Variants in MSH3 observed in about 807,000 individuals in gnomAD.
MSH3 encodes the protein DNA mismatch repair protein Msh3.
A neutral mutation model predicts 123.3 loss-of-function variants in MSH3; 106 were observed. That is an observed-to-expected ratio of 0.86 (90% CI 0.73 to 1.01). MSH3 has a LOEUF of 1.01. MSH3 is among the 50% of genes least tolerant of loss of function. The pLI is 0.00. For missense variants in MSH3, 1,459 were observed against 1,347.6 expected (o/e 1.08, Z -1.29); for synonymous variants, 515 against 481.4 (o/e 1.07, Z -0.91).
Position 80,758,373 on chromosome 5 carries a change from C to T in MSH3, c.1764-3173C>T, listed in dbSNP as rs573339634. 5.3e-5 allele frequency among the ~76,000 whole-genome samples: 8 copies of T among 152,306 alleles called. No homozygotes were observed. In the South Asian group the frequency reaches 1.7e-3, roughly 32 times the overall value. On this transcript the variant is annotated intron_variant, in intron 12 of 23. Transcript: ENST00000265081. The stretch of plus-strand genomic sequence containing the variant: ...AGTGGTTGTCATGATGTAGCAGGTA[C>T]TGTGTTAAGTACCTGACATTTATTA...
chr5:80,810,202 T>G, intron 19 of MSH3, among the ~76,000 whole-genome samples: 1 of 143,310 alleles, frequency 7.0e-6, no homozygotes, highest in South Asian at 2.2e-4. Context: ...TATAAACTAG[T>G]AGCATATAAT....
intron 19 of MSH3, among the ~76,000 whole-genome samples, chr5:80,794,028 G>T (rs2112028371): frequency 6.6e-6 from 1 of 152,256 alleles, no homozygotes; most frequent in Non-Finnish European, 1.5e-5. Flanking sequence ...AGCTGGGGGA[G>T]GAGAGAGAGT....
intron 20 of MSH3, among the ~76,000 whole-genome samples, chr5:80,819,774 A>C (rs2112064085): frequency 6.6e-6 from 1 of 152,300 alleles, no homozygotes; most frequent in South Asian, 2.1e-4. Flanking sequence ...GGTGTGAGCC[A>C]CTGCGCCCGG....
chr5:80,804,084 C>A (rs190435561), intron 19 of MSH3, among the ~76,000 whole-genome samples: 1 of 152,218 alleles, frequency 6.6e-6, no homozygotes, highest in African/African-American at 2.4e-5. Flanking sequence ...TTTTCTATTT[C>A]TGTGAAGAAC....
At chr5:80,839,093 G>A (rs145167829) in intron 20 of MSH3, among the ~76,000 whole-genome samples, 8 of 152,292 alleles carry the variant, frequency 5.3e-5, no homozygotes, top group African/African-American at 1.9e-4. Flanking sequence ...TTGGCTGGGT[G>A]CGGTGGCTCA....
At chr5:80,782,947 G>A (rs1442936331) in intron 17 of MSH3, among the ~76,000 whole-genome samples, 1 of 152,056 alleles carries the variant, frequency 6.6e-6, no homozygotes, top group Non-Finnish European at 1.5e-5. Context: ...ACACTGCTGT[G>A]GATTAAATCC....
At chr5:80,659,389 C>T (rs1749376150) in intron 2 of MSH3, among the ~76,000 whole-genome samples, 1 of 152,188 alleles carries the variant, frequency 6.6e-6, no homozygotes, top group Non-Finnish European at 1.5e-5. Flanking sequence ...TGCCCATTAA[C>T]AGCCACCTCC....
intron 10 of MSH3, among the ~76,000 whole-genome samples, chr5:80,730,390 T>C (rs892856620): frequency 1.3e-5 from 2 of 152,036 alleles, no homozygotes; most frequent in Non-Finnish European, 2.9e-5. Flanking sequence ...TGATAGAAAA[T>C]TCAGAAGCAG....
intron 11 of MSH3, among the ~76,000 whole-genome samples, chr5:80,744,196 G>A (rs889234239): frequency 3.3e-5 from 5 of 152,114 alleles, no homozygotes; most frequent in Admixed American, 3.3e-4. Context: ...TTCCTATGTT[G>A]TATTTCCCAA....
intron 20 of MSH3, among the ~76,000 whole-genome samples, chr5:80,824,259 C>G (rs1470885606): frequency 2.0e-5 from 3 of 152,118 alleles, no homozygotes; most frequent in Non-Finnish European, 4.4e-5. Context: ...CCTCACTTCC[C>G]AGAGGGGCGG....
chr5:80,731,894 G>C (rs1015853221), intron 10 of MSH3, among the ~76,000 whole-genome samples: 21 of 152,070 alleles, frequency 1.4e-4, no homozygotes, highest in Admixed American at 3.9e-4. Context: ...TGTTATCAAG[G>C]GGAAAATAAA....
chr5:80,792,179 T>A (rs1421129248), intron 18 of MSH3, among the ~76,000 whole-genome samples: 2 of 152,138 alleles, frequency 1.3e-5, no homozygotes, highest in African/African-American at 4.8e-5. Context: ...TAAGTAGCAA[T>A]AATCTGAACT....
chr5:80,799,215 A>C (rs1744749104), intron 19 of MSH3, among the ~76,000 whole-genome samples: 1 of 152,066 alleles, frequency 6.6e-6, no homozygotes, highest in Non-Finnish European at 1.5e-5. Context: ...TGACTTTGGC[A>C]TCTCAACATG....
intron 8 of MSH3, among the ~76,000 whole-genome samples, chr5:80,694,084 A>T (rs936012337): frequency 6.6e-6 from 1 of 152,198 alleles, no homozygotes; most frequent in Non-Finnish European, 1.5e-5. Context: ...TAGGAAGTTC[A>T]TATGGCAGAG....
At position 80,812,601 on chromosome 5, in the gene MSH3, TG is replaced by T. The variant is rs1290867454; in HGVS notation, c.2656-982del. Among the ~76,000 whole-genome samples, 65 of 150,438 alleles carry T rather than the reference TG, an allele frequency of 4.3e-4. 2 individuals are homozygous for T. In the East Asian group the frequency reaches 0.01, roughly 24 times the overall value. On this transcript the variant is annotated intron_variant, in intron 19 of 23. Transcript: ENST00000265081. ...GGTTCTGGCTTTTTTTTTTTTTTTT[TG>T]AGATGGAGTCTCACTCTCACCCATG...
chr5:80,826,303 A>G (rs26278), intron 20 of MSH3, among the ~76,000 whole-genome samples: 107,054 of 152,132 alleles, frequency 0.7, 37,678 homozygotes, highest in South Asian at 0.8. Context: ...GTTATTGTAA[A>G]TCACTTCAAA....
chr5:80,785,590 A>G (rs572206126), intron 17 of MSH3, among the ~76,000 whole-genome samples: 14 of 152,330 alleles, frequency 9.2e-5, no homozygotes, highest in Admixed American at 7.2e-4. Context: ...CATTTGACCC[A>G]GCCATCCCAT....
At chr5:80,742,369 G>A (rs545857493) in intron 11 of MSH3, among the ~76,000 whole-genome samples, 1 of 152,080 alleles carries the variant, frequency 6.6e-6, no homozygotes, top group Non-Finnish European at 1.5e-5. Context: ...AAGATAACGG[G>A]GAGATTAAAC....
chr5:80,835,909 T>C (rs1011168205), intron 20 of MSH3, among the ~76,000 whole-genome samples: 1 of 150,718 alleles, frequency 6.6e-6, no homozygotes, highest in Non-Finnish European at 1.5e-5. Context: ...AGAGACTGTC[T>C]CAAAAAAAAA....
Sources: allele counts gnomAD v4.1 joint callset (sites outside exome capture counted in the v4.1 genomes callset), GRCh38; gene constraint gnomAD v4.1.1; transcripts MANE v1.5; gene names NCBI Gene and HGNC (gene_info 2026-07-23, HGNC 2026-07-21).